Variants in CTNNA3 observed in about 807,000 individuals in gnomAD.
CTNNA3 encodes the protein catenin alpha 3, also known as catenin alpha-3.
CTNNA3 carries 76 observed loss-of-function variants against 95.7 expected under a neutral mutation model. The observed-to-expected ratio is 0.79, with a 90% CI of 0.66 to 0.96. The LOEUF is 0.96. Among genes scored for constraint, CTNNA3 ranks in the 40% least tolerant of loss-of-function variants. The pLI, the probability that CTNNA3 is intolerant of heterozygous loss-of-function variation, is 0.00. For synonymous variants in CTNNA3, 431 were observed against 374.4 expected, an observed-to-expected ratio of 1.15 and a Z score of -1.74; for missense variants, 1,191 against 1,089.8, an observed-to-expected ratio of 1.09 and a Z score of -1.31.
In CTNNA3 at chr10:67,020,540, T is replaced by C. The variant is rs367829432; in HGVS notation, c.1047+159777A>G. On this transcript the variant is annotated intron_variant, in intron 7 of 17. Coordinates refer to ENST00000433211, the MANE Select transcript of CTNNA3 (RefSeq NM_013266.4). ...CACAATAGTCTTAAGTTTATTGAACTCAAACCATTCAACAAATATTTACTA... is the reference window on the plus strand; with the variant it reads ...CACAATAGTCTTAAGTTTATTGAACCCAAACCATTCAACAAATATTTACTA... Among the ~76,000 whole-genome samples the C allele has an allele frequency of 3.9e-5, 6 of 152,288 alleles. No individual in the cohort carries two copies. The East Asian group carries it at 9.6e-4, about 24-fold the overall frequency.
chr10:67,435,304 A>G (rs1846265335), intron 5 of CTNNA3, among the ~76,000 whole-genome samples: 1 of 151,816 alleles, frequency 6.6e-6, no homozygotes, highest in African/African-American at 2.4e-5. Flanking sequence ...TTCACATTTT[A>G]CTCTTAAAGA....
intron 3 of CTNNA3, among the ~76,000 whole-genome samples, chr10:67,589,016 A>G (rs928738998): frequency 2.0e-5 from 3 of 151,960 alleles, no homozygotes; most frequent in Non-Finnish European, 2.9e-5. Flanking sequence ...AGCATATATA[A>G]CAGAGCCTGG....
chr10:66,040,013 C>T (rs1472965638), intron 15 of CTNNA3, among the ~76,000 whole-genome samples: 1 of 151,918 alleles, frequency 6.6e-6, no homozygotes. Flanking sequence ...GGAACTTAAG[C>T]AAATCTACAA....
intron 7 of CTNNA3, among the ~76,000 whole-genome samples, chr10:67,045,922 A>G (rs1405858511): frequency 6.6e-6 from 1 of 152,230 alleles, no homozygotes; most frequent in Non-Finnish European, 1.5e-5. Flanking sequence ...AAAAATGCAC[A>G]AGAACTTCTC....
At chr10:66,414,335 C>G (rs1421765707) in intron 11 of CTNNA3, among the ~76,000 whole-genome samples, 1 of 152,068 alleles carries the variant, frequency 6.6e-6, no homozygotes, top group Non-Finnish European at 1.5e-5. Context: ...AAAATAGTGA[C>G]AGGCAATATC....
chr10:67,718,491 A>T (rs892309354), intron 1 of CTNNA3, among the ~76,000 whole-genome samples: 3 of 152,124 alleles, frequency 2.0e-5, no homozygotes, highest in African/African-American at 7.2e-5. Flanking sequence ...ATCAATACCT[A>T]GTTTACTGAA....
At chr10:66,977,902 A>G (rs1247306473) in intron 7 of CTNNA3, among the ~76,000 whole-genome samples, 2 of 152,194 alleles carry the variant, frequency 1.3e-5, no homozygotes, top group African/African-American at 4.8e-5. Flanking sequence ...TATAAATGTA[A>G]GTATCCTTGT....
At chr10:66,074,421 C>A (rs1205803724) in intron 14 of CTNNA3, among the ~76,000 whole-genome samples, 1 of 151,814 alleles carries the variant, frequency 6.6e-6, no homozygotes, top group Non-Finnish European at 1.5e-5. Flanking sequence ...ACCTTTGTTT[C>A]TACCAGCTTT....
At chr10:66,859,081 T>G (rs1036992489) in intron 7 of CTNNA3, among the ~76,000 whole-genome samples, 9 of 152,092 alleles carry the variant, frequency 5.9e-5, no homozygotes, top group Admixed American at 5.9e-4. Context: ...AATTTAATAA[T>G]AATTTTACAG....
chr10:66,233,986 T>A (rs72797265), intron 13 of CTNNA3, among the ~76,000 whole-genome samples: 3 of 152,128 alleles, frequency 2.0e-5, no homozygotes, highest in Admixed American at 1.3e-4. Flanking sequence ...AAAATAAACC[T>A]GTTGTAAAAA....
intron 7 of CTNNA3, among the ~76,000 whole-genome samples, chr10:66,839,716 C>T (rs1328980398): frequency 3.3e-5 from 5 of 151,754 alleles, no homozygotes; most frequent in Admixed American, 1.3e-4. Flanking sequence ...AAAGAACATT[C>T]GGAAAAACAC....
intron 11 of CTNNA3, among the ~76,000 whole-genome samples, chr10:66,438,199 T>G (rs2131776742): frequency 6.6e-6 from 1 of 152,314 alleles, no homozygotes. Context: ...GAGGAGGCAG[T>G]CTGTCCCTTA....
chr10:67,753,571 C>T (rs1423829552), intron 1 of CTNNA3, among the ~76,000 whole-genome samples: 2 of 152,114 alleles, frequency 1.3e-5, no homozygotes, highest in African/African-American at 2.4e-5. Context: ...ATCCCTCTGA[C>T]GAAGGTCTAA....
chr10:66,529,439 G>GTTTTTTTGT (rs1564514163), intron 10 of CTNNA3, among the ~76,000 whole-genome samples: 1 of 50,596 alleles, frequency 2.0e-5, no homozygotes. Flanking sequence ...GCCAAACAGT[G>GTTTTTTTGT]TTTTTTTTTT....
chr10:66,049,912 C>A (rs1340483378), intron 15 of CTNNA3, among the ~76,000 whole-genome samples: 7 of 151,988 alleles, frequency 4.6e-5, no homozygotes, highest in African/African-American at 1.7e-4. Context: ...GCCTATGTAA[C>A]AAACCTTCAC....
rs1863181581 is a variant in CTNNA3 at position 67,192,872 on chromosome 10, A to T, written c.844-12352T>A. ...GCATCTGCAGATGAATGAATGAATA[A>T]AGAAATGGTCATATATATGTATATA... On this transcript the variant is annotated intron_variant, in intron 6 of 17. Transcript: ENST00000433211. 2.1e-4 allele frequency among the ~76,000 whole-genome samples: 32 copies of T among 152,130 alleles called. 1 individual carries two copies. The South Asian group carries it at 6.2e-3, about 30-fold the overall frequency.
At chr10:66,488,136 T>C (rs1045248538) in intron 11 of CTNNA3, among the ~76,000 whole-genome samples, 1 of 152,226 alleles carries the variant, frequency 6.6e-6, no homozygotes, top group African/African-American at 2.4e-5. Context: ...AAAAGTCACT[T>C]ATACAATCTT....
At chr10:66,018,532 C>CTCACATTCTTTATATAT (rs1273596536) in intron 15 of CTNNA3, among the ~76,000 whole-genome samples, 1 of 151,982 alleles carries the variant, frequency 6.6e-6, no homozygotes, top group Non-Finnish European at 1.5e-5. Context: ...TCTTTATAAG[C>CTCACATTCTTTATATAT]ACTCACAATT....
intron 5 of CTNNA3, among the ~76,000 whole-genome samples, chr10:67,412,748 C>T (rs1220002790): frequency 6.6e-6 from 1 of 151,966 alleles, no homozygotes; most frequent in Admixed American, 6.6e-5. Flanking sequence ...TTTTTATATC[C>T]TACCAAACTA....
Sources: gnomAD v4.1 joint callset for allele counts (sites outside exome capture counted in the v4.1 genomes callset) on GRCh38, gnomAD v4.1.1 for gene constraint, MANE v1.5 for transcripts, NCBI Gene and HGNC (gene_info 2026-07-23, HGNC 2026-07-21) for gene names.